Variants in RNF217 observed in about 807,000 individuals in gnomAD.
The protein encoded by RNF217 is E3 ubiquitin-protein ligase RNF217.
RNF217 carries 31 observed loss-of-function variants against 57.8 expected under a neutral mutation model. The ratio of observed to expected loss-of-function variants is 0.54; its 90% confidence interval spans 0.40 to 0.72. The LOEUF (loss-of-function observed/expected upper bound fraction) is 0.72. RNF217 is among the 30% of genes least tolerant of loss of function. The pLI is 0.00. For missense variants in RNF217, 696 were observed against 708.3 expected (o/e 0.98, Z 0.20); for synonymous variants, 313 against 294.0 (o/e 1.06, Z -0.66).
intron 1 of RNF217, among the ~76,000 whole-genome samples, chr6:125,033,120 A>G (rs1786430491): frequency 6.6e-6 from 1 of 151,114 alleles, no homozygotes. Context: ...TTTTTTCAAT[A>G]TATCCAAGGC....
chr6:125,031,406 C>T (rs1292561163), intron 1 of RNF217, among the ~76,000 whole-genome samples: 1 of 152,210 alleles, frequency 6.6e-6, no homozygotes, highest in Non-Finnish European at 1.5e-5. Flanking sequence ...ATTTTCCAAA[C>T]ATTTACGCTG....
intron 3 of RNF217, among the ~76,000 whole-genome samples, chr6:125,068,690 G>A (rs994666862): frequency 6.6e-6 from 1 of 152,162 alleles, no homozygotes; most frequent in African/African-American, 2.4e-5. Context: ...AAAGGCAGGA[G>A]CCCTGTCAGA....
At chr6:125,010,104 G>C (rs139319831) in intron 1 of RNF217, among the ~76,000 whole-genome samples, 1 of 151,226 alleles carries the variant, frequency 6.6e-6, no homozygotes, top group Non-Finnish European at 1.5e-5. Flanking sequence ...AGGGTGTACT[G>C]CCTGTTCTCT....
chr6:125,092,263 CA>C lies in RNF217; in HGVS notation c.*9328del. ...CATGCTGCTGGCGGTAAAAGCAACC[CA>C]AGTGTCAGATCACACAAATTTTAGG... On this transcript the variant is annotated 3_prime_UTR_variant, in exon 6 of 6. Coordinates refer to ENST00000521654, the MANE Select transcript of RNF217 (RefSeq NM_001286398.3). 3 of 152,182 alleles carry C rather than the reference CA, an allele frequency of 2.0e-5. No individual in the cohort carries two copies. The East Asian group carries it at 5.8e-4, about 29-fold the overall frequency. 9.4% of individuals were successfully genotyped at this position (152,182 alleles called of 1,614,324 possible).
intron 1 of RNF217, among the ~76,000 whole-genome samples, chr6:124,985,938 A>G (rs1784351092): frequency 6.6e-6 from 1 of 152,142 alleles, no homozygotes; most frequent in Non-Finnish European, 1.5e-5. Flanking sequence ...AGTGCTGCAA[A>G]GATCTGAATG....
At position 125,090,610 on chromosome 6, in the gene RNF217, C is replaced by T. The variant is rs1788910478; in HGVS notation, c.*7673C>T. 1 of 151,570 alleles carries T rather than the reference C, an allele frequency of 6.6e-6. No individual in the cohort carries two copies. The highest frequency in any genetic ancestry group is 1.9e-4 in the East Asian group (1 of 5,178). The allele number at this position is 151,570 out of a possible 1,614,324, so 9.4% of individuals were successfully genotyped here. On this transcript the variant is annotated 3_prime_UTR_variant, in exon 6 of 6. Transcript: ENST00000521654. The stretch of plus-strand genomic sequence containing the variant: ...TCCATTTTAATTATATTCTCCTTAA[C>T]AATAGAAAATTAGAAGAAATTTCTT...
intron 1 of RNF217, among the ~76,000 whole-genome samples, chr6:124,992,360 A>C (rs1044364805): frequency 6.6e-6 from 1 of 152,158 alleles, no homozygotes; most frequent in Non-Finnish European, 1.5e-5. Context: ...TCTATTCCCA[A>C]ATGAAAACTT....
At chr6:124,969,593 C>G (rs1157420980) in intron 1 of RNF217, among the ~76,000 whole-genome samples, 2 of 152,138 alleles carry the variant, frequency 1.3e-5, no homozygotes, top group African/African-American at 4.8e-5. Context: ...GGACATCTAT[C>G]TTGTAAACAT....
At chr6:124,990,716 A>G (rs1300189220) in intron 1 of RNF217, among the ~76,000 whole-genome samples, 1 of 152,164 alleles carries the variant, frequency 6.6e-6, no homozygotes, top group East Asian at 1.9e-4. Flanking sequence ...CCAGGAATCT[A>G]GCAGTAAAAT....
intron 1 of RNF217, among the ~76,000 whole-genome samples, chr6:124,981,112 T>C (rs1274527828): frequency 6.6e-6 from 1 of 152,210 alleles, no homozygotes; most frequent in East Asian, 1.9e-4. Flanking sequence ...AGACACTATA[T>C]GGTGCTTAAG....
In RNF217 at chr6:125,069,399, T is replaced by G. The variant is rs1375484744; in HGVS notation, c.1282-7258T>G. Among the ~76,000 whole-genome samples the G allele has an allele frequency of 9.2e-5, 14 of 152,292 alleles. No homozygotes were observed. In the East Asian group the frequency reaches 2.7e-3, roughly 29 times the overall value. On this transcript the variant is annotated intron_variant, in intron 3 of 5. Transcript: ENST00000521654. ...CTTTTACACCTAGTCCTTGATATTT[T>G]CTATTGACTCCCTGACATGGCAGTT...
chr6:125,018,214 A>G (rs1036539860), intron 1 of RNF217, among the ~76,000 whole-genome samples: 3 of 152,192 alleles, frequency 2.0e-5, no homozygotes, highest in Non-Finnish European at 4.4e-5. Flanking sequence ...TATCTTGTAC[A>G]GTGTTTTAAA....
chr6:124,964,045 A>G (rs1174440456), intron 1 of RNF217, among the ~76,000 whole-genome samples: 3 of 152,250 alleles, frequency 2.0e-5, no homozygotes, highest in South Asian at 2.1e-4. Flanking sequence ...AACAAAGCAA[A>G]GAGAGGCTAA....
intron 1 of RNF217, 72 bp from the exon 2 acceptor site, chr6:125,045,139 T>C (rs926801876): frequency 9.9e-6 from 9 of 911,670 alleles, no homozygotes; most frequent in Middle Eastern, 2.2e-4. Flanking sequence ...AGTAATACTG[T>C]ATACAAAAAA....
chr6:124,962,838 C>T lies in RNF217; in HGVS notation c.294C>T (p.Pro98=), dbSNP rs1326404051. 5.6e-6 allele frequency: 9 copies of T among 1,597,846 alleles called. No individual in the cohort carries two copies. In the Admixed American group the frequency reaches 1.2e-4, roughly 21 times the overall value. ...TGGCACTCACCGGGCCTCTCAATCC[C>T]CAGACCTTGCCACTGCAGTTGGAGC... is the stretch of plus-strand genomic sequence containing the variant. ...AGLALTGPLN[P]QTLPLQLELE... The change falls in exon 1 of 6, where the codon CCC becomes CCT. Residue 98 remains proline (P), a synonymous_variant. Coordinates refer to ENST00000521654, the MANE Select transcript of RNF217 (RefSeq NM_001286398.3). The surrounding 1 kb of genome is among the most constrained non-coding windows in gnomAD (Gnocchi z 4.6).
intron 1 of RNF217, among the ~76,000 whole-genome samples, chr6:124,992,582 G>A (rs181910411): frequency 6.6e-6 from 1 of 152,204 alleles, no homozygotes; most frequent in East Asian, 1.9e-4. Context: ...AGTGAGAAGA[G>A]GGGAGGTTTT....
intron 4 of RNF217, among the ~76,000 whole-genome samples, chr6:125,077,568 C>G (rs983888608): frequency 6.6e-6 from 1 of 152,122 alleles, no homozygotes; most frequent in Admixed American, 6.5e-5. Context: ...TGCCCATAAA[C>G]AAATCACCCT....
intron 1 of RNF217, among the ~76,000 whole-genome samples, chr6:124,992,585 G>T (rs1784600419): frequency 6.6e-6 from 1 of 152,078 alleles, no homozygotes; most frequent in African/African-American, 2.4e-5. Context: ...GAGAAGAGGG[G>T]AGGTTTTTCT....
At chr6:125,007,364 G>C (rs1785229394) in intron 1 of RNF217, among the ~76,000 whole-genome samples, 1 of 151,560 alleles carries the variant, frequency 6.6e-6, no homozygotes, top group Admixed American at 6.6e-5. Context: ...TCCTGCCTCA[G>C]CCTCCCAAGT....
Sources: gnomAD v4.1 joint callset for allele counts (sites outside exome capture counted in the v4.1 genomes callset) on GRCh38, gnomAD v4.1.1 for gene constraint, Gnocchi (gnomAD v3.1) non-coding constraint, MANE v1.5 for transcripts, NCBI Gene and HGNC (gene_info 2026-07-23, HGNC 2026-07-21) for gene names.